Variants in ANKRD55 observed in about 807,000 individuals in gnomAD.
ANKRD55 encodes the protein ankyrin repeat domain-containing protein 55.
ANKRD55 carries 41 observed loss-of-function variants against 60.6 expected under a neutral mutation model. The observed-to-expected ratio is 0.68, with a 90% confidence interval of 0.53 to 0.88. ANKRD55 has a LOEUF of 0.88. ANKRD55 is among the 40% of genes least tolerant of loss of function. The pLI, the probability that ANKRD55 is intolerant of heterozygous loss-of-function variation, is 0.00. For synonymous variants in ANKRD55, 264 were observed against 290.3 expected, an observed-to-expected ratio of 0.91 and a Z score of 0.92; for missense variants, 732 against 767.6, an observed-to-expected ratio of 0.95 and a Z score of 0.55.
intron 2 of ANKRD55, among the ~76,000 whole-genome samples, chr5:56,226,123 C>T (rs985861755): frequency 6.6e-6 from 1 of 152,096 alleles, no homozygotes; most frequent in Non-Finnish European, 1.5e-5. Context: ...GGTACTGGTA[C>T]CAAAACAGAG....
chr5:56,152,054 TTA>T (rs1411442655), intron 6 of ANKRD55, among the ~76,000 whole-genome samples: 1 of 144,250 alleles, frequency 6.9e-6, no homozygotes, highest in African/African-American at 2.5e-5. Context: ...CTCTAGAAGT[TTA>T]TAGGGTTGGA....
In ANKRD55 at chr5:56,206,432, T is replaced by C. The variant is rs79351569; in HGVS notation, c.59-22798A>G. ...TATGAAAACACAGATAAGAAGAAAA[T>C]ATAAACTCAAAAGTGATCATTGAAA... On this transcript the variant is annotated intron_variant, in intron 2 of 11. Transcript: ENST00000341048. Among the ~76,000 whole-genome samples, 197 of 152,210 alleles carry C rather than the reference T, an allele frequency of 1.3e-3. 4 individuals carry two copies. In the East Asian group the frequency reaches 0.038, roughly 29 times the overall value.
intron 6 of ANKRD55, among the ~76,000 whole-genome samples, chr5:56,151,541 G>A (rs1758044383): frequency 6.6e-6 from 1 of 152,170 alleles, no homozygotes; most frequent in South Asian, 2.1e-4. Context: ...GGCTGGGCGT[G>A]GTGGCTCACG....
intron 2 of ANKRD55, among the ~76,000 whole-genome samples, chr5:56,196,604 C>A (rs1001719899): frequency 6.6e-6 from 1 of 152,142 alleles, no homozygotes; most frequent in African/African-American, 2.4e-5. Context: ...CGTGTGTGTT[C>A]ATTTGAACTG....
chr5:56,221,509 G>C (rs1483559694), intron 2 of ANKRD55, among the ~76,000 whole-genome samples: 1 of 152,146 alleles, frequency 6.6e-6, no homozygotes, highest in African/African-American at 2.4e-5. Context: ...CAGGACAGTG[G>C]ATGCAGCCCA....
At chr5:56,232,208 A>G (rs1412350781) in intron 2 of ANKRD55, among the ~76,000 whole-genome samples, 1 of 152,262 alleles carries the variant, frequency 6.6e-6, no homozygotes, top group East Asian at 1.9e-4. Flanking sequence ...ATGTGATATT[A>G]TAAGGATAAG....
intron 7 of ANKRD55, among the ~76,000 whole-genome samples, chr5:56,130,646 C>T (rs1757384498): frequency 6.6e-6 from 1 of 152,202 alleles, no homozygotes; most frequent in African/African-American, 2.4e-5. Context: ...GAGCAAGCAT[C>T]AGTTCCAGAC....
intron 2 of ANKRD55, among the ~76,000 whole-genome samples, chr5:56,211,542 C>G (rs1349454444): frequency 2.0e-5 from 3 of 152,214 alleles, no homozygotes; most frequent in Admixed American, 6.5e-5. Context: ...AAGGCTGCAG[C>G]CTGTCAGGCC....
intron 10 of ANKRD55, 70 bp from the exon 11 acceptor site, chr5:56,102,656 A>G (rs1756323641): frequency 1.9e-6 from 2 of 1,052,188 alleles, no homozygotes; most frequent in Non-Finnish European, 2.9e-6. Flanking sequence ...TGCAATGGAT[A>G]AGAGAATCAT....
At chr5:56,221,841 A>G (rs1759973058) in intron 2 of ANKRD55, among the ~76,000 whole-genome samples, 2 of 152,240 alleles carry the variant, frequency 1.3e-5, no homozygotes, top group South Asian at 4.1e-4. Flanking sequence ...TAAACAAAGC[A>G]GCCAGGAAGC....
intron 4 of ANKRD55, among the ~76,000 whole-genome samples, chr5:56,172,582 T>G (rs1758635245): frequency 1.3e-5 from 2 of 152,028 alleles, no homozygotes; most frequent in African/African-American, 4.8e-5. Flanking sequence ...TTTCTGATTT[T>G]TTTTTTCCTG....
At chr5:56,126,464 G>A (rs1371244768) in intron 8 of ANKRD55, among the ~76,000 whole-genome samples, 2 of 151,978 alleles carry the variant, frequency 1.3e-5, no homozygotes, top group Non-Finnish European at 1.5e-5. Flanking sequence ...TTTGATGATC[G>A]AAAACAACAA....
At chr5:56,166,158 T>TTTCTTTCTTTC (rs1554040812) in intron 5 of ANKRD55, among the ~76,000 whole-genome samples, 1,350 of 72,378 alleles carry the variant, frequency 0.019, 93 homozygotes, top group Admixed American at 0.023. Flanking sequence ...TTCTTTCTTC[T>TTTCTTTCTTTC]TTCCTTCCTT....
chr5:56,198,227 C>G (rs894345243), intron 2 of ANKRD55, among the ~76,000 whole-genome samples: 2 of 152,132 alleles, frequency 1.3e-5, no homozygotes, highest in Non-Finnish European at 2.9e-5. Flanking sequence ...CCTGCTGGCT[C>G]TCAAGATAGT....
At chr5:56,120,665 C>T (rs1757018720) in intron 8 of ANKRD55, among the ~76,000 whole-genome samples, 1 of 152,026 alleles carries the variant, frequency 6.6e-6, no homozygotes, top group Non-Finnish European at 1.5e-5. Context: ...TTTGGGAGGC[C>T]AAGGCAGGCG....
intron 7 of ANKRD55, among the ~76,000 whole-genome samples, chr5:56,139,608 T>A (rs1271594598): frequency 6.6e-6 from 1 of 152,160 alleles, no homozygotes; most frequent in Non-Finnish European, 1.5e-5. Flanking sequence ...ATCTTTATGA[T>A]GTATTGTGAG....
chr5:56,135,188 A>G (rs926010119), intron 7 of ANKRD55, among the ~76,000 whole-genome samples: 1 of 150,422 alleles, frequency 6.6e-6, no homozygotes, highest in Non-Finnish European at 1.5e-5. Flanking sequence ...AAGATCAGGA[A>G]GAAGGTAAAA....
At chr5:56,158,669 A>G (rs1358003433) in intron 6 of ANKRD55, among the ~76,000 whole-genome samples, 1 of 152,104 alleles carries the variant, frequency 6.6e-6, no homozygotes, top group Non-Finnish European at 1.5e-5. Flanking sequence ...AATTATTAAT[A>G]TTATCTCTCT....
chr5:56,165,943 G>T lies in ANKRD55; in HGVS notation c.422+4751C>A, dbSNP rs562785747. On this transcript the variant is annotated intron_variant, in intron 5 of 11. Transcript: ENST00000341048. ...AAACTCTGTCTCAAAAAAAAAAATA[G>T]TACTTATTTCAAGGGGAAGCTGAGC... Among the ~76,000 whole-genome samples, 9 of 151,998 alleles carry T rather than the reference G, an allele frequency of 5.9e-5. No individual in the cohort carries two copies. The South Asian group carries it at 1.7e-3, about 28-fold the overall frequency.
Sources: gnomAD v4.1 joint callset for allele counts (sites outside exome capture counted in the v4.1 genomes callset) on GRCh38, gnomAD v4.1.1 for gene constraint, MANE v1.5 for transcripts, NCBI Gene and HGNC (gene_info 2026-07-23, HGNC 2026-07-21) for gene names.